The following MRPL45 variants were observed in gnomAD, a reference collection of about 807,000 sequenced individuals.
MRPL45 encodes the protein mitochondrial ribosomal protein L45.
Under a neutral mutation model 38.1 loss-of-function variants are expected in MRPL45, and 20 were observed. The ratio of observed to expected loss-of-function variants is 0.53; its 90% confidence interval spans 0.37 to 0.76. The LOEUF is 0.76. Among genes scored for constraint, MRPL45 ranks in the 30% least tolerant of loss-of-function variants. The pLI is 0.00. For missense variants in MRPL45, 337 were observed against 395.6 expected, an observed-to-expected ratio of 0.85 and a Z score of 1.26; for synonymous variants, 105 against 128.8, an observed-to-expected ratio of 0.82 and a Z score of 1.25.
chr17:38,314,664 T>C (rs535864149), intron 4 of MRPL45, among the ~76,000 whole-genome samples: 2 of 152,330 alleles, frequency 1.3e-5, no homozygotes, highest in African/African-American at 2.4e-5. Flanking sequence ...TGTGATGTTT[T>C]TGCTTTTTTT....
At chr17:38,318,188 C>A (rs2037193186) in intron 4 of MRPL45, among the ~76,000 whole-genome samples, 2 of 110,580 alleles carry the variant, frequency 1.8e-5, no homozygotes, top group South Asian at 3.1e-4. Flanking sequence ...AGCCTGGCGA[C>A]AGAGCGAGAC....
At position 38,322,410 on chromosome 17, in the gene MRPL45, G is replaced by A. The variant is rs770252541; in HGVS notation, c.835-99G>A. ...AGGGGGTGATGCACCACCCAGGAAG[G>A]GAAGGCCGGGTGGGTGGGTGGGTGG... On this transcript the variant is annotated intron_variant, in intron 7 of 7. Transcript: ENST00000613675. 442 of 1,098,458 alleles carry A rather than the reference G, an allele frequency of 4.0e-4. 2 individuals are homozygous for A. The highest frequency in any genetic ancestry group is 5.6e-4 in the Non-Finnish European group (429 of 766,302). The allele number at this position is 1,098,458 out of a possible 1,614,324, so 68.0% of individuals were successfully genotyped here.
rs769937465 is a variant in MRPL45, at chr17:38,320,768, G to A, written c.660+1G>A. 4 of 1,613,854 alleles carry A rather than the reference G, an allele frequency of 2.5e-6. No homozygotes were observed. The Admixed American group carries it at 6.7e-5, about 27-fold the overall frequency. ...CACCGTACGCATGCACACCCGGCAGGTAGAGGCACTCGTCTGCCTTCCTCC... is the reference window on the plus strand; with the variant it reads ...CACCGTACGCATGCACACCCGGCAGATAGAGGCACTCGTCTGCCTTCCTCC... On this transcript the variant is annotated splice_donor_variant, in intron 6 of 7. Transcript: ENST00000613675. LOFTEE classifies it high-confidence loss of function.
At chr17:38,299,897 C>T (rs571716909) in intron 3 of MRPL45, among the ~76,000 whole-genome samples, 6,370 of 146,160 alleles carry the variant, frequency 0.044, 187 homozygotes, top group Middle Eastern at 0.21. Flanking sequence ...CCACCATGCC[C>T]GGCTAATTTT....
intron 4 of MRPL45, among the ~76,000 whole-genome samples, chr17:38,315,433 T>C (rs930759310): frequency 5.3e-5 from 8 of 151,758 alleles, no homozygotes; most frequent in Non-Finnish European, 1.0e-4. Context: ...TTTTTTTTTT[T>C]TTTTCTAATT....
intron 4 of MRPL45, among the ~76,000 whole-genome samples, chr17:38,318,435 AT>A (rs962794682): frequency 1.1e-4 from 16 of 151,252 alleles, no homozygotes; most frequent in South Asian, 2.1e-4. Context: ...TTTAAACATA[AT>A]TTTTTTTAAA....
intron 4 of MRPL45, among the ~76,000 whole-genome samples, chr17:38,318,337 G>A (rs1001933080): frequency 6.6e-6 from 1 of 151,834 alleles, no homozygotes; most frequent in Non-Finnish European, 1.5e-5. Context: ...TACCAGCTTA[G>A]AGCAAAAATC....
chr17:38,316,669 G>A (rs2037175517), intron 4 of MRPL45, among the ~76,000 whole-genome samples: 1 of 139,512 alleles, frequency 7.2e-6, no homozygotes, highest in East Asian at 2.2e-4. Flanking sequence ...AAAGCTGGGT[G>A]TGGTGGCGTG....
In MRPL45 at chr17:38,322,278, C is replaced by G. The variant is rs1389659140; in HGVS notation, c.813C>G (p.Pro271=). The G allele has an allele frequency of 1.9e-6, 3 of 1,613,996 alleles. No homozygotes were observed. Among genetic ancestry groups the G allele is most frequent in the Non-Finnish European group, 2.5e-6 (3 of 1,179,982 alleles). ...MHTKIVPPWA[P]PKQPILKTVM... ...CCAAGATCGTTCCCCCATGGGCACCCCCTAAGCAGCCCATCCTTAAGGTAA... is the reference window on the plus strand; with the variant it reads ...CCAAGATCGTTCCCCCATGGGCACCGCCTAAGCAGCCCATCCTTAAGGTAA... The change falls in exon 7 of 8, where the codon CCC becomes CCG. Residue 271 remains proline (P), a synonymous_variant. Coordinates refer to ENST00000613675, the MANE Select transcript of MRPL45 (RefSeq NM_032351.6).
rs749716574 is a variant in MRPL45, at chr17:38,318,700, C to T, written c.475C>T (p.Arg159Trp). The T allele has an allele frequency of 5.0e-6, 8 of 1,609,384 alleles. No homozygotes were observed. Among genetic ancestry groups the T allele is most frequent in the Admixed American group, 1.7e-5 (1 of 59,896 alleles). ...HLCLNNSDHD[R>W]LHTLVTEHCF... is the part of the protein sequence containing the mutation. ...TTTCTTTTCTAGCTCAGACCATGAC[C>T]GGCTTCATACCTTGGTAACTGAACA... Residue 159 changes from arginine to tryptophan, a missense_variant, in exon 5 of 8, where the codon CGG (arginine) becomes TGG (tryptophan). Around this residue, in one of 3 missense-constraint regions of MRPL45, gnomAD observed 251 missense variants for 269.1 expected, o/e 0.93. Coordinates refer to ENST00000613675, the MANE Select transcript of MRPL45 (RefSeq NM_032351.6).
At chr17:38,298,165 C>T (rs550135034) in intron 1 of MRPL45, among the ~76,000 whole-genome samples, 1 of 152,168 alleles carries the variant, frequency 6.6e-6, no homozygotes, top group Non-Finnish European at 1.5e-5. Flanking sequence ...TTGAAACTTG[C>T]TTTGATCAAC....
intron 5 of MRPL45, among the ~76,000 whole-genome samples, chr17:38,320,310 G>C (rs965605481): frequency 1.3e-5 from 2 of 152,126 alleles, no homozygotes; most frequent in East Asian, 1.9e-4. Flanking sequence ...GTGTATGGGA[G>C]GGATGTTGGT....
intron 6 of MRPL45, among the ~76,000 whole-genome samples, chr17:38,321,461 G>A (rs1018887140): frequency 6.7e-6 from 1 of 150,180 alleles, no homozygotes; most frequent in African/African-American, 2.5e-5. Flanking sequence ...GGGAGGCCAC[G>A]GCAGGCAGAT....
At chr17:38,309,372 T>C (rs1234631583) in intron 4 of MRPL45, among the ~76,000 whole-genome samples, 2 of 151,138 alleles carry the variant, frequency 1.3e-5, no homozygotes, top group Non-Finnish European at 3.0e-5. Context: ...AAAAAAAAAT[T>C]AGCCAGGTGT....
At position 38,322,715 on chromosome 17, in the gene MRPL45, C is replaced by A; in HGVS notation, c.*120C>A. 1 of 755,612 alleles carries A rather than the reference C, an allele frequency of 1.3e-6. No homozygotes were observed. The highest frequency in any genetic ancestry group is 2.1e-6 in the Non-Finnish European group (1 of 468,910). The allele number at this position is 755,612 out of a possible 1,614,324, so 46.8% of individuals were successfully genotyped here. ...TTGTTCTCTCCCATCCTGCTCAGGTCTTTTCAGCAGTCTCATCATCAGCAA... is the reference window on the plus strand; with the variant it reads ...TTGTTCTCTCCCATCCTGCTCAGGTATTTTCAGCAGTCTCATCATCAGCAA... On this transcript the variant is annotated 3_prime_UTR_variant, in exon 8 of 8. Transcript: ENST00000613675.
chr17:38,302,509 TG>T (rs58861867), intron 3 of MRPL45, among the ~76,000 whole-genome samples: 3,604 of 69,984 alleles, frequency 0.051, 328 homozygotes, highest in African/African-American at 0.13. Flanking sequence ...AAAAAAAGTT[TG>T]TTTTTTTTTT....
chr17:38,319,730 T>C (rs2037211443), intron 5 of MRPL45, among the ~76,000 whole-genome samples: 2 of 152,192 alleles, frequency 1.3e-5, no homozygotes, highest in South Asian at 2.1e-4. Flanking sequence ...GAGGCTTATA[T>C]TGAGTGGTAA....
chr17:38,297,962 A>G (rs2036953728), intron 1 of MRPL45, among the ~76,000 whole-genome samples: 2 of 152,202 alleles, frequency 1.3e-5, no homozygotes, highest in Admixed American at 6.5e-5. Context: ...GCCAGATGCG[A>G]TGGCGCACTC....
intron 4 of MRPL45, among the ~76,000 whole-genome samples, chr17:38,313,911 C>T (rs1253436113): frequency 1.3e-5 from 2 of 152,050 alleles, no homozygotes; most frequent in Non-Finnish European, 2.9e-5. Flanking sequence ...GATCCACCCA[C>T]CTCAGCCTTC....
Sources: allele counts gnomAD v4.1 joint callset (sites outside exome capture counted in the v4.1 genomes callset), GRCh38; gene constraint gnomAD v4.1.1; regional missense constraint gnomAD v4.1.1; transcripts MANE v1.5; gene names NCBI Gene and HGNC (gene_info 2026-07-23, HGNC 2026-07-21).